Variants in ROBO1 observed in about 807,000 individuals in gnomAD.
ROBO1 encodes roundabout guidance receptor 1.
A neutral mutation model predicts 195.9 loss-of-function variants in ROBO1; 149 were observed. That is an observed-to-expected ratio of 0.76 (90% CI 0.67 to 0.87). The LOEUF (loss-of-function observed/expected upper bound fraction) is 0.87, where lower values mean the gene tolerates loss of function less well. ROBO1 is among the 40% of genes least tolerant of loss of function. The pLI is 0.00. For missense variants in ROBO1, 1,933 were observed against 2,068.3 expected (o/e 0.93, Z 1.27); for synonymous variants, 816 against 733.2 (o/e 1.11, Z -1.82).
At chr3:78,620,883 A>ATGTGTGTGTG (rs199578004) in intron 26 of ROBO1, among the ~76,000 whole-genome samples, 5,484 of 144,604 alleles carry the variant, frequency 0.038, 143 homozygotes, top group African/African-American at 0.072. Context: ...ATATATATAT[A>ATGTGTGTGTG]TGTGTGTGTG....
chr3:79,409,756 A>G (rs898575768), intron 2 of ROBO1, among the ~76,000 whole-genome samples: 16 of 152,142 alleles, frequency 1.1e-4, no homozygotes, highest in African/African-American at 3.6e-4. Flanking sequence ...TTGGCATTGG[A>G]GACCACCACA....
chr3:79,383,379 CTG>C (rs2036634478), intron 2 of ROBO1, among the ~76,000 whole-genome samples: 1 of 151,846 alleles, frequency 6.6e-6, no homozygotes, highest in Non-Finnish European at 1.5e-5. Flanking sequence ...ATGTTTAAAA[CTG>C]TCAAAATAAA....
intron 2 of ROBO1, among the ~76,000 whole-genome samples, chr3:79,571,349 T>G (rs960178449): frequency 6.6e-6 from 1 of 152,084 alleles, no homozygotes; most frequent in Non-Finnish European, 1.5e-5. Context: ...ATATGAGACT[T>G]GCTCCTCTAC....
At position 78,631,195 on chromosome 3, in the gene ROBO1, T is replaced by G; in HGVS notation, c.3592A>C (p.Asn1198His). Reference protein sequence around the residue: ...PPPAHPPPHSNSEEYNISVDE... With the variant: ...PPPAHPPPHSHSEEYNISVDE... The stretch of plus-strand genomic sequence containing the variant: ...ACAGAAATGTTGTACTCTTCGCTAT[T>G]GCTGTGTGGAGGAGGATGTGCTGGG... The change falls in exon 25 of 31, where the codon AAT (asparagine) becomes CAT (histidine). Residue 1198 changes from asparagine to histidine, a missense_variant. By Grantham distance (68) the Asn-to-His change is moderately conservative. Transcript: ENST00000464233. 1 of 1,612,812 alleles carries G rather than the reference T, an allele frequency of 6.2e-7. No individual in the cohort carries two copies.
intron 1 of ROBO1, among the ~76,000 whole-genome samples, chr3:79,594,145 G>T (rs1333188982): frequency 6.6e-6 from 1 of 151,768 alleles, no homozygotes; most frequent in Non-Finnish European, 1.5e-5. Context: ...CCCTATTTTA[G>T]GATATAACGT....
intron 8 of ROBO1, among the ~76,000 whole-genome samples, chr3:78,704,485 T>C (rs2081499124): frequency 6.6e-6 from 1 of 151,992 alleles, no homozygotes; most frequent in Admixed American, 6.6e-5. Context: ...TTTTAAAAGT[T>C]TATCCCCTAC....
At chr3:78,682,779 T>C (rs1356603593) in intron 10 of ROBO1, among the ~76,000 whole-genome samples, 4 of 148,792 alleles carry the variant, frequency 2.7e-5, no homozygotes, top group Non-Finnish European at 5.9e-5. Context: ...TATAATAATA[T>C]AATTTTATTG....
At chr3:78,859,771 G>T (rs1347599478) in intron 4 of ROBO1, among the ~76,000 whole-genome samples, 3 of 152,102 alleles carry the variant, frequency 2.0e-5, no homozygotes, top group Admixed American at 1.3e-4. Flanking sequence ...AATAAAGTCA[G>T]CTTAAGTGCA....
intron 1 of ROBO1, among the ~76,000 whole-genome samples, chr3:79,742,433 G>A (rs1330850103): frequency 6.6e-6 from 1 of 152,174 alleles, no homozygotes; most frequent in African/African-American, 2.4e-5. Context: ...GAGGGTGCAA[G>A]CTAGCAGCCA....
At chr3:79,605,523 C>T (rs1205915891) in intron 1 of ROBO1, among the ~76,000 whole-genome samples, 6 of 151,914 alleles carry the variant, frequency 3.9e-5, no homozygotes, top group African/African-American at 1.2e-4. Flanking sequence ...CTTCATCTCT[C>T]ATTTAAATAT....
chr3:79,323,530 A>G (rs1194049494), intron 2 of ROBO1, among the ~76,000 whole-genome samples: 1 of 152,204 alleles, frequency 6.6e-6, no homozygotes, highest in African/African-American at 2.4e-5. Context: ...GTGTTCATGC[A>G]TGCATTTACT....
chr3:78,646,075 G>T, intron 21 of ROBO1, 73 bp downstream of exon 21: 1 of 1,267,788 alleles, frequency 7.9e-7, no homozygotes, highest in South Asian at 1.3e-5. Flanking sequence ...AGCAGAGAAA[G>T]TGGTGTCATT....
At position 79,630,560 on chromosome 3, in the gene ROBO1, T is replaced by G. The variant is rs2108021308; in HGVS notation, c.-50-40599A>C. On this transcript the variant is annotated intron_variant, in intron 1 of 30. Coordinates refer to ENST00000464233, the MANE Select transcript of ROBO1 (RefSeq NM_002941.4). ...TGTGAATGGGAAAAATTTGAAACAT[T>G]TTCCTTAATAACTGGAGAAAGACAA... Among the ~76,000 whole-genome samples the G allele has an allele frequency of 2.0e-5, 3 of 152,098 alleles. No individual in the cohort carries two copies. The South Asian group carries it at 6.2e-4, about 32-fold the overall frequency.
At chr3:78,897,821 T>C (rs2037329064) in intron 4 of ROBO1, among the ~76,000 whole-genome samples, 1 of 152,096 alleles carries the variant, frequency 6.6e-6, no homozygotes, top group Non-Finnish European at 1.5e-5. Flanking sequence ...TGATAGATTT[T>C]TCTTTCTTGA....
intron 1 of ROBO1, among the ~76,000 whole-genome samples, chr3:79,746,072 G>A (rs1703862686): frequency 6.6e-6 from 1 of 152,092 alleles, no homozygotes; most frequent in South Asian, 2.1e-4. Context: ...AGGCAATCAT[G>A]ATATAATGTT....
At chr3:79,606,508 G>A (rs979451505) in intron 1 of ROBO1, among the ~76,000 whole-genome samples, 4 of 151,880 alleles carry the variant, frequency 2.6e-5, no homozygotes, top group Non-Finnish European at 5.9e-5. Context: ...TGACTCCTAG[G>A]CTCAAGTGAT....
At chr3:78,689,131 T>A (rs2081115419) in intron 8 of ROBO1, among the ~76,000 whole-genome samples, 2 of 152,232 alleles carry the variant, frequency 1.3e-5, no homozygotes, top group Admixed American at 1.3e-4. Flanking sequence ...TGAGCTTTAA[T>A]CATACACACA....
intron 1 of ROBO1, among the ~76,000 whole-genome samples, chr3:79,724,957 T>G: frequency 6.6e-6 from 1 of 152,202 alleles, no homozygotes; most frequent in East Asian, 1.9e-4. Context: ...ACCCTTCTTC[T>G]TTGATATCCT....
chr3:78,636,246 G>A (rs1417199782), intron 22 of ROBO1, 138 bp from the exon 23 acceptor site: 8 of 562,808 alleles, frequency 1.4e-5, no homozygotes, highest in East Asian at 2.9e-5. Flanking sequence ...CAATAAAAAC[G>A]GCCAAATATC....
Sources: allele counts gnomAD v4.1 joint callset (sites outside exome capture counted in the v4.1 genomes callset), GRCh38; gene constraint gnomAD v4.1.1; transcripts MANE v1.5; gene names NCBI Gene and HGNC (gene_info 2026-07-23, HGNC 2026-07-21).